DOCK1: variants seen among roughly 807,000 people sequenced by gnomAD.
DOCK1 encodes dedicator of cytokinesis 1.
In DOCK1, 138 loss-of-function variants were observed where a neutral mutation model predicts 262.7. That is an observed-to-expected ratio of 0.53 (90% confidence interval 0.46 to 0.61). The LOEUF (loss-of-function observed/expected upper bound fraction) is 0.61. Among genes scored for constraint, DOCK1 ranks in the 20% least tolerant of loss-of-function variants. The pLI, the probability that DOCK1 is intolerant of heterozygous loss-of-function variation, is 0.00. For missense variants in DOCK1, 1,908 were observed against 2,370.7 expected (o/e 0.80, Z 4.05); for synonymous variants, 866 against 867.4 (o/e 1.00, Z 0.03).
chr10:126,975,433 T>C (rs76245329), intron 2 of DOCK1, among the ~76,000 whole-genome samples: 6,782 of 152,268 alleles, frequency 0.045, 197 homozygotes, highest in Middle Eastern at 0.11. Flanking sequence ...CCAGGCTGGT[T>C]GCCGCAGTGG....
chr10:127,271,026 T>TACAC (rs370701091), intron 29 of DOCK1, among the ~76,000 whole-genome samples: 8,551 of 151,606 alleles, frequency 0.056, 310 homozygotes, highest in Non-Finnish European at 0.085. Context: ...TATGTATATA[T>TACAC]ACACACACAC....
At chr10:127,019,001 C>A in intron 13 of DOCK1, 166 bp downstream of exon 13, 1 of 1,072,078 alleles carries the variant, frequency 9.3e-7, no homozygotes, top group Non-Finnish European at 1.3e-6. Flanking sequence ...GGGCTGTGAC[C>A]GGAGTGGTAG....
chr10:127,384,819 C>T lies in DOCK1; in HGVS notation c.3837C>T (p.Leu1279=), dbSNP rs1172719033. The part of the protein sequence containing the change: ...KWSEDVCVAH[L]TQRDGYQATT... The stretch of plus-strand genomic sequence containing the variant: ...CGGAGGATGTGTGTGTGGCCCACCT[C>T]ACCCAGCGGGACGGGTACCAGGCCA... The change falls in exon 38 of 52, where the codon CTC becomes CTT. Residue 1279 remains leucine (L), a synonymous_variant. Coordinates refer to ENST00000623213, the MANE Select transcript of DOCK1 (RefSeq NM_001290223.2). 3 of 1,604,904 alleles carry T rather than the reference C, an allele frequency of 1.9e-6. No homozygotes were observed. The African/African-American group carries it at 4.0e-5, about 22-fold the overall frequency.
intron 27 of DOCK1, among the ~76,000 whole-genome samples, chr10:127,215,617 A>G (rs1197438306): frequency 6.6e-6 from 1 of 152,176 alleles, no homozygotes; most frequent in Non-Finnish European, 1.5e-5. Flanking sequence ...TGGCTTTGAT[A>G]ATGCTTTTTG....
intron 27 of DOCK1, among the ~76,000 whole-genome samples, 195 bp from the exon 28 acceptor site, chr10:127,247,813 A>G (rs2059481993): frequency 6.6e-6 from 1 of 152,086 alleles, no homozygotes. Flanking sequence ...CTACCAAAAA[A>G]CATTCCTGAG....
chr10:127,148,943 C>T (rs1225888087), intron 27 of DOCK1, among the ~76,000 whole-genome samples: 1 of 152,146 alleles, frequency 6.6e-6, no homozygotes, highest in African/African-American at 2.4e-5. Context: ...TGTCAACCAT[C>T]TCAAAATTTG....
At chr10:126,980,056 A>G (rs1482772405) in intron 3 of DOCK1, among the ~76,000 whole-genome samples, 1 of 151,928 alleles carries the variant, frequency 6.6e-6, no homozygotes, top group Non-Finnish European at 1.5e-5. Context: ...TTTCTCCCCC[A>G]TCTGGGTGGA....
chr10:127,329,448 G>A (rs2062880110), intron 29 of DOCK1, among the ~76,000 whole-genome samples: 1 of 151,364 alleles, frequency 6.6e-6, no homozygotes, highest in African/African-American at 2.4e-5. Context: ...GTGCTGTGGT[G>A]GGGATCCCTG....
intron 27 of DOCK1, among the ~76,000 whole-genome samples, chr10:127,195,017 A>T (rs980753596): frequency 6.6e-6 from 1 of 152,066 alleles, no homozygotes; most frequent in African/African-American, 2.4e-5. Flanking sequence ...AGCAAAACGC[A>T]CCCATTTTCT....
At chr10:127,398,714 A>G (rs1365009831) in intron 38 of DOCK1, among the ~76,000 whole-genome samples, 1 of 152,202 alleles carries the variant, frequency 6.6e-6, no homozygotes, top group Admixed American at 6.5e-5. Context: ...TGAGTTACTT[A>G]CAGCTAGTCA....
intron 27 of DOCK1, among the ~76,000 whole-genome samples, chr10:127,213,821 C>T (rs904736050): frequency 6.6e-6 from 1 of 152,176 alleles, no homozygotes; most frequent in East Asian, 1.9e-4. Context: ...TCCAGCTGAT[C>T]AGTAATATTC....
chr10:127,273,101 G>A (rs1376374490), intron 29 of DOCK1, among the ~76,000 whole-genome samples: 5 of 152,156 alleles, frequency 3.3e-5, no homozygotes, highest in Admixed American at 6.5e-5. Context: ...TATGCTAGAC[G>A]GCCTCACCTT....
At chr10:127,306,241 C>T (rs1390874663) in intron 29 of DOCK1, among the ~76,000 whole-genome samples, 3 of 152,080 alleles carry the variant, frequency 2.0e-5, no homozygotes, top group African/African-American at 4.8e-5. Flanking sequence ...TCTCAAACTC[C>T]TGACTTCAGG....
At chr10:127,442,813 C>T (rs1024260651) in intron 49 of DOCK1, among the ~76,000 whole-genome samples, 5 of 152,314 alleles carry the variant, frequency 3.3e-5, no homozygotes, top group African/African-American at 9.6e-5. Flanking sequence ...CTTGACCGCA[C>T]GGATGTTGCC....
chr10:126,957,758 G>C (rs916211152), intron 1 of DOCK1, among the ~76,000 whole-genome samples: 17 of 152,266 alleles, frequency 1.1e-4, no homozygotes, highest in African/African-American at 4.1e-4. Context: ...GGTTTTACAG[G>C]TGTGAGCCAC....
At chr10:127,269,028 G>T (rs2060472842) in intron 29 of DOCK1, among the ~76,000 whole-genome samples, 1 of 152,158 alleles carries the variant, frequency 6.6e-6, no homozygotes, top group African/African-American at 2.4e-5. Context: ...TACAAGGGTT[G>T]GAAGCTGAGC....
intron 6 of DOCK1, among the ~76,000 whole-genome samples, chr10:126,991,733 TGGTC>T (rs1449893681): frequency 1.3e-5 from 2 of 152,140 alleles, no homozygotes; most frequent in Admixed American, 6.6e-5. Flanking sequence ...TTTTCCATGT[TGGTC>T]AGGCTGATCT....
At chr10:126,908,044 G>C (rs1438476461) in intron 1 of DOCK1, among the ~76,000 whole-genome samples, 1 of 150,238 alleles carries the variant, frequency 6.7e-6, no homozygotes, top group Non-Finnish European at 1.5e-5. Context: ...ACTGGGTGCA[G>C]ATGACAGCTT....
intron 40 of DOCK1, 129 bp from the exon 41 acceptor site, chr10:127,408,908 C>A: frequency 7.9e-7 from 1 of 1,264,726 alleles, no homozygotes; most frequent in Non-Finnish European, 1.1e-6. Context: ...ATAAAAATTA[C>A]AAGTTGTTCT....
Sources: allele counts gnomAD v4.1 joint callset (sites outside exome capture counted in the v4.1 genomes callset), GRCh38; gene constraint gnomAD v4.1.1; transcripts MANE v1.5; gene names NCBI Gene and HGNC (gene_info 2026-07-23, HGNC 2026-07-21).